MORC3: variants seen among roughly 807,000 people sequenced by gnomAD.
MORC3 encodes the protein MORC family CW-type zinc finger protein 3.
A neutral mutation model predicts 109.1 loss-of-function variants in MORC3; 31 were observed. That is an observed-to-expected ratio of 0.28 (90% confidence interval 0.21 to 0.38). The LOEUF (loss-of-function observed/expected upper bound fraction) is 0.38. Among genes scored for constraint, MORC3 ranks in the 10% least tolerant of loss-of-function variants. MORC3 has a pLI of 1.00. For synonymous variants in MORC3, 395 were observed against 380.7 expected, an observed-to-expected ratio of 1.04 and a Z score of -0.44; for missense variants, 867 against 1,135.8, an observed-to-expected ratio of 0.76 and a Z score of 3.40.
intron 9 of MORC3, among the ~76,000 whole-genome samples, chr21:36,355,256 G>A (rs1004196025): frequency 2.0e-5 from 3 of 152,142 alleles, no homozygotes; most frequent in Non-Finnish European, 2.9e-5. Context: ...CCACTTGGAT[G>A]CCTTTGGTAT....
Position 36,338,769 on chromosome 21 carries a change from T to TA in MORC3, c.461-4dup. Reference sequence around the variant, plus strand: ...GTCAATCTGAGTCTTTAACTTATGATATACGACAGATGATTAATTTAGCAG... The same window carrying TA: ...GTCAATCTGAGTCTTTAACTTATGATAATACGACAGATGATTAATTTAGCAG... On this transcript the variant is annotated splice_polypyrimidine_tract_variant and splice_region_variant and intron_variant, in intron 4 of 16. Transcript: ENST00000400485. 6.2e-7 allele frequency: 1 copy of TA among 1,612,030 alleles called. No homozygotes were observed. Among genetic ancestry groups the TA allele is most frequent in the Non-Finnish European group, 8.5e-7 (1 of 1,178,378 alleles).
At position 36,362,242 on chromosome 21, in the gene MORC3, C is replaced by A; in HGVS notation, c.1452+14C>A. On this transcript the variant is annotated intron_variant, in intron 13 of 16. Coordinates refer to ENST00000400485, the MANE Select transcript of MORC3 (RefSeq NM_015358.3). ...ATGATCCCTCGGGTAATTAAGCCTT[C>A]TTTTTTTTTTTTTTTTTTAAATAGA... The A allele has an allele frequency of 4.9e-6, 7 of 1,440,822 alleles. No individual in the cohort carries two copies. Among genetic ancestry groups the A allele is most frequent in the Non-Finnish European group, 4.6e-6 (5 of 1,080,548 alleles). The allele number at this position is 1,440,822 out of a possible 1,614,324, so 89.3% of individuals were successfully genotyped here. A position where few individuals can be genotyped will look rare whatever the true frequency, so the allele number is the denominator to read the frequency against.
intron 10 of MORC3, among the ~76,000 whole-genome samples, chr21:36,358,501 A>G (rs2146326355): frequency 6.6e-6 from 1 of 152,296 alleles, no homozygotes; most frequent in Admixed American, 6.5e-5. Flanking sequence ...CACGCCTGTA[A>G]TCCCTGCACT....
intron 1 of MORC3, among the ~76,000 whole-genome samples, chr21:36,323,761 TCTTA>T (rs2085218029): frequency 6.6e-6 from 1 of 152,196 alleles, no homozygotes; most frequent in East Asian, 1.9e-4. Context: ...TGGAAAATGT[TCTTA>T]CTTATTTTGA....
intron 1 of MORC3, among the ~76,000 whole-genome samples, chr21:36,321,752 GTT>G (rs2085196626): frequency 1.3e-5 from 2 of 151,814 alleles, no homozygotes; most frequent in Admixed American, 1.3e-4. Flanking sequence ...CTCTCTCGAG[GTT>G]GAGTCTTGTT....
chr21:36,351,318 G>T (rs2085569910), intron 9 of MORC3, among the ~76,000 whole-genome samples: 2 of 151,918 alleles, frequency 1.3e-5, no homozygotes, highest in Non-Finnish European at 2.9e-5. Context: ...CACCCGCCTT[G>T]GCCTCCCAAA....
rs375623457 is a variant in MORC3 at position 36,375,282 on chromosome 21, A to G, written c.2806A>G (p.Ile936Val). The G allele has an allele frequency of 1.9e-6, 3 of 1,612,170 alleles. No individual in the cohort carries two copies. In the African/African-American group the frequency reaches 4.0e-5, roughly 22 times the overall value. Reference protein sequence around the residue: ...LGQVVEQMSEISST With the variant: ...LGQVVEQMSEVSST ...ACAAGTTGTTGAACAAATGAGTGAA[A>G]TCAGTAGTACTTAAAGTATATGTTA... is the stretch of plus-strand genomic sequence containing the variant. The change falls in exon 17 of 17, where the codon ATC becomes GTC. Residue 936 changes from isoleucine to valine, a missense_variant. Ile to Val is a conservative substitution (Grantham distance 29). Coordinates refer to ENST00000400485, the MANE Select transcript of MORC3 (RefSeq NM_015358.3).
intron 10 of MORC3, among the ~76,000 whole-genome samples, chr21:36,359,374 G>C (rs576184995): frequency 1.3e-5 from 2 of 152,022 alleles, no homozygotes; most frequent in African/African-American, 4.8e-5. Context: ...GTGCTCAAGC[G>C]ATTCTCCAAC....
At chr21:36,356,337 C>G (rs1429734668) in intron 9 of MORC3, among the ~76,000 whole-genome samples, 1 of 151,906 alleles carries the variant, frequency 6.6e-6, no homozygotes, top group Non-Finnish European at 1.5e-5. Flanking sequence ...ACATATCTAA[C>G]TTATTCTTAA....
chr21:36,344,441 A>G (rs1223281288), intron 6 of MORC3, 138 bp from the exon 7 acceptor site: 4 of 1,025,156 alleles, frequency 3.9e-6, no homozygotes, highest in East Asian at 5.3e-5. Flanking sequence ...TCAGAATAAC[A>G]TACAGCTTTA....
At position 36,369,844 on chromosome 21, in the gene MORC3, T is replaced by C. The variant is rs749941460; in HGVS notation, c.2476T>C (p.Cys826Arg). ...LDDVFRQLDK[C>R]SIERDQYKSE... ...CGATGTGTTTAGACAACTGGACAAA[T>C]GCAGTATTGAGAGGGACCAGTATAA... Residue 826 changes from cysteine (C) to arginine (R), a missense_variant, in exon 15 of 17, where the codon TGC becomes CGC. Physicochemically the swap from Cys to Arg is radical, Grantham distance 180. Around this residue, in one of 7 missense-constraint regions of MORC3, gnomAD observed 486 missense variants for 502.1 expected, o/e 0.97. Coordinates refer to ENST00000400485, the MANE Select transcript of MORC3 (RefSeq NM_015358.3). 6.2e-7 allele frequency: 1 copy of C among 1,613,372 alleles called. No homozygotes were observed. The highest frequency in any genetic ancestry group is 8.5e-7 in the Non-Finnish European group (1 of 1,180,026).
intron 6 of MORC3, among the ~76,000 whole-genome samples, chr21:36,343,345 C>T (rs147809806): frequency 8.5e-5 from 13 of 152,198 alleles, no homozygotes; most frequent in Non-Finnish European, 1.5e-4. Context: ...CTGCCTGCCT[C>T]GGCCTCACAA....
chr21:36,356,347 AT>A (rs1400705538), intron 9 of MORC3, among the ~76,000 whole-genome samples: 1 of 151,994 alleles, frequency 6.6e-6, no homozygotes, highest in South Asian at 2.1e-4. Flanking sequence ...CTTATTCTTA[AT>A]TTTTTGGATA....
intron 5 of MORC3, among the ~76,000 whole-genome samples, chr21:36,340,123 A>G (rs1217586289): frequency 6.6e-6 from 1 of 152,070 alleles, no homozygotes; most frequent in East Asian, 1.9e-4. Context: ...CTAAAATTAC[A>G]AAAAATTAGC....
At chr21:36,343,695 C>G (rs1052322471) in intron 6 of MORC3, among the ~76,000 whole-genome samples, 1 of 152,032 alleles carries the variant, frequency 6.6e-6, no homozygotes, top group African/African-American at 2.4e-5. Flanking sequence ...GATCCGCCCG[C>G]CTCGGCCTCC....
At chr21:36,326,016 G>C (rs1417927025) in intron 1 of MORC3, among the ~76,000 whole-genome samples, 1 of 152,116 alleles carries the variant, frequency 6.6e-6, no homozygotes, top group African/African-American at 2.4e-5. Context: ...AGACCAGCCT[G>C]GCCAACATGG....
In MORC3 at chr21:36,353,314, G is replaced by C. The variant is rs1418863049; in HGVS notation, c.1104-3306G>C. Among the ~76,000 whole-genome samples, 4 of 125,834 alleles carry C rather than the reference G, an allele frequency of 3.2e-5. No homozygotes were observed. The Admixed American group carries it at 3.9e-4, about 12-fold the overall frequency. The allele number at this position is 125,834 out of a possible 152,430, so 82.6% of individuals were successfully genotyped here. Reference sequence around the variant, plus strand: ...GGAGGTTGCAGTGAGCTGAGATTGAGCCACTACATTCCAGTTTGGTGACAG... The same window carrying C: ...GGAGGTTGCAGTGAGCTGAGATTGACCCACTACATTCCAGTTTGGTGACAG... On this transcript the variant is annotated intron_variant, in intron 9 of 16. Coordinates refer to ENST00000400485, the MANE Select transcript of MORC3 (RefSeq NM_015358.3).
chr21:36,364,058 A>C, intron 13 of MORC3, 35 bp from the exon 14 acceptor site: 1 of 1,592,790 alleles, frequency 6.3e-7, no homozygotes, highest in African/African-American at 1.4e-5. Flanking sequence ...CACTAGAAAT[A>C]GTTCCTTTAA....
intron 16 of MORC3, among the ~76,000 whole-genome samples, 157 bp downstream of exon 16, chr21:36,372,688 A>C (rs1326641636): frequency 6.6e-6 from 1 of 152,234 alleles, no homozygotes; most frequent in Admixed American, 6.5e-5. Flanking sequence ...AAAAGAAGTG[A>C]CACTTCATTA....
Sources: gnomAD v4.1 joint callset for allele counts (sites outside exome capture counted in the v4.1 genomes callset) on GRCh38, gnomAD v4.1.1 for gene constraint, gnomAD v4.1.1 regional missense constraint, MANE v1.5 for transcripts, NCBI Gene and HGNC (gene_info 2026-07-23, HGNC 2026-07-21) for gene names.